C2orf66: variants seen among roughly 807,000 people sequenced by gnomAD.
C2orf66 encodes the protein uncharacterized protein C2orf66.
C2orf66 carries 6 observed loss-of-function variants against 7.0 expected under a neutral mutation model. That is an observed-to-expected ratio of 0.86 (90% CI 0.47 to 1.69). The LOEUF is 1.69. Ranked by LOEUF, C2orf66 falls within the 40% of genes most tolerant of loss-of-function variation. The pLI, the probability that C2orf66 is intolerant of heterozygous loss-of-function variation, is 0.01. For synonymous variants in C2orf66, 38 were observed against 43.8 expected (o/e 0.87, Z 0.52); for missense variants, 107 against 112.0 (o/e 0.96, Z 0.20).
At chr2:196,823,533 G>A in the C2orf66 span, among the ~76,000 whole-genome samples, 2 of 152,008 alleles carry the variant, frequency 1.3e-5, no homozygotes, top group South Asian at 4.1e-4. Flanking sequence ...GCTGAGGCAG[G>A]AGGATCACTT....
the C2orf66 span, among the ~76,000 whole-genome samples, chr2:196,817,812 A>G: frequency 6.6e-6 from 1 of 152,188 alleles, no homozygotes; most frequent in Admixed American, 6.5e-5. Context: ...CCCTACTTGC[A>G]CGTCCATTTA....
the C2orf66 span, among the ~76,000 whole-genome samples, chr2:196,831,681 C>T: frequency 2.0e-5 from 3 of 152,168 alleles, no homozygotes; most frequent in East Asian, 1.9e-4. Flanking sequence ...ATTGGGCGTC[C>T]GGTGGGCAGG....
At chr2:196,828,277 C>CACAT in the C2orf66 span, among the ~76,000 whole-genome samples, 2 of 143,232 alleles carry the variant, frequency 1.4e-5, no homozygotes, top group Non-Finnish European at 1.5e-5. Context: ...CACACACACA[C>CACAT]AAAGCAACCT....
chr2:196,822,549 T>C, the C2orf66 span, among the ~76,000 whole-genome samples: 1 of 152,186 alleles, frequency 6.6e-6, no homozygotes, highest in African/African-American at 2.4e-5. Flanking sequence ...TAAAACTGTA[T>C]AGTTTTCTCT....
chr2:196,810,814 T>C (rs1330135420), upstream of C2orf66, among the ~76,000 whole-genome samples: 1 of 152,202 alleles, frequency 6.6e-6, no homozygotes, highest in African/African-American at 2.4e-5. Context: ...ATGTGCCAGG[T>C]ACTGCAACAG....
chr2:196,827,540 C>A, the C2orf66 span, among the ~76,000 whole-genome samples: 39 of 152,218 alleles, frequency 2.6e-4, no homozygotes, highest in African/African-American at 8.2e-4. Context: ...CTACCATGTA[C>A]AATGCTGTAT....
At chr2:196,825,115 T>C in the C2orf66 span, among the ~76,000 whole-genome samples, 1 of 150,526 alleles carries the variant, frequency 6.6e-6, no homozygotes, top group Non-Finnish European at 1.5e-5. Flanking sequence ...GTGCCTGTAG[T>C]CCCAGCTACT....
chr2:196,814,581 A>G, the C2orf66 span, among the ~76,000 whole-genome samples: 1 of 152,092 alleles, frequency 6.6e-6, no homozygotes, highest in African/African-American at 2.4e-5. Context: ...TAAAAAACAA[A>G]TCAAAAAAAA....
chr2:196,830,135 G>A, the C2orf66 span, among the ~76,000 whole-genome samples: 1 of 152,084 alleles, frequency 6.6e-6, no homozygotes, highest in African/African-American at 2.4e-5. Flanking sequence ...TTGGCACTTT[G>A]TAATGCTCAG....
chr2:196,809,129 C>T (rs937785522), intron 1 of C2orf66, 85 bp downstream of exon 1: 48 of 1,374,514 alleles, frequency 3.5e-5, no homozygotes, highest in Non-Finnish European at 3.7e-5. Flanking sequence ...CTTTCCACTA[C>T]GTTCTGGAAA....
At chr2:196,829,188 C>T in the C2orf66 span, among the ~76,000 whole-genome samples, 19 of 152,076 alleles carry the variant, frequency 1.2e-4, no homozygotes, top group South Asian at 6.2e-4. Context: ...GGAAGGCCCA[C>T]GAGGTTTCCA....
chr2:196,808,768 G>C (rs955452330), intron 1 of C2orf66, among the ~76,000 whole-genome samples: 14 of 152,064 alleles, frequency 9.2e-5, no homozygotes, highest in Non-Finnish European at 1.8e-4. Flanking sequence ...CCAGTAAATT[G>C]ATACCCATGC....
the C2orf66 span, among the ~76,000 whole-genome samples, chr2:196,827,185 GC>G: frequency 6.8e-6 from 1 of 146,744 alleles, no homozygotes; most frequent in Non-Finnish European, 1.5e-5. Context: ...GCTGTAGTGA[GC>G]CATGATCGTG....
At chr2:196,821,514 T>A in the C2orf66 span, among the ~76,000 whole-genome samples, 12 of 152,330 alleles carry the variant, frequency 7.9e-5, no homozygotes, top group South Asian at 1.7e-3. Flanking sequence ...TCTTCTGTCA[T>A]CCAGATCACA....
the C2orf66 span, among the ~76,000 whole-genome samples, chr2:196,829,782 A>C: frequency 1.0e-2 from 1,516 of 152,002 alleles, 58 homozygotes; most frequent in East Asian, 0.13. Context: ...CTGTAGTCCC[A>C]GCTACTCGGG....
upstream of C2orf66, chr2:196,809,774 G>A (rs138220608): frequency 1.2e-3 from 188 of 160,376 alleles, no homozygotes; most frequent in East Asian, 0.018. Context: ...TTCAGATACC[G>A]AGCTGAGAAA....
At chr2:196,822,278 C>T in the C2orf66 span, among the ~76,000 whole-genome samples, 1 of 152,092 alleles carries the variant, frequency 6.6e-6, no homozygotes, top group African/African-American at 2.4e-5. Context: ...AAATATTACC[C>T]CACCTCCAAA....
the C2orf66 span, among the ~76,000 whole-genome samples, chr2:196,822,616 G>A: frequency 6.6e-6 from 1 of 151,946 alleles, no homozygotes; most frequent in Non-Finnish European, 1.5e-5. Flanking sequence ...ACTGGTGTAT[G>A]TGCACAAGCA....
At chr2:196,825,219 T>C in the C2orf66 span, among the ~76,000 whole-genome samples, 2 of 117,014 alleles carry the variant, frequency 1.7e-5, no homozygotes, top group African/African-American at 3.4e-5. Flanking sequence ...TGAGACTCTG[T>C]CTCAAAAAAA....
Sources: gnomAD v4.1 joint callset for allele counts (sites outside exome capture counted in the v4.1 genomes callset) on GRCh38, gnomAD v4.1.1 for gene constraint, MANE v1.5 for transcripts, NCBI Gene and HGNC (gene_info 2026-07-23, HGNC 2026-07-21) for gene names.